Variants in CDK17 observed in about 807,000 individuals in gnomAD.
The protein encoded by CDK17 is cyclin dependent kinase 17.
A neutral mutation model predicts 77.6 loss-of-function variants in CDK17; 24 were observed. The observed-to-expected ratio is 0.31, with a 90% CI of 0.22 to 0.44. The LOEUF is 0.44. CDK17 is among the 20% of genes least tolerant of loss of function. The pLI is 1.00. For synonymous variants in CDK17, 203 were observed against 210.4 expected (o/e 0.96, Z 0.30); for missense variants, 429 against 622.5 (o/e 0.69, Z 3.31).
intron 8 of CDK17, 143 bp from the exon 9 acceptor site, chr12:96,297,475 T>C (rs1394148274): frequency 1.8e-5 from 13 of 735,784 alleles, no homozygotes; most frequent in African/African-American, 1.6e-4. Context: ...GAAAAACTGA[T>C]AACTAAATAA....
At chr12:96,333,337 C>G (rs892641244) in intron 2 of CDK17, among the ~76,000 whole-genome samples, 1 of 152,040 alleles carries the variant, frequency 6.6e-6, no homozygotes, top group Non-Finnish European at 1.5e-5. Flanking sequence ...AAATTTCCTA[C>G]TGAGCCCATC....
At chr12:96,390,706 C>T (rs554366042) in intron 1 of CDK17, among the ~76,000 whole-genome samples, 208 of 98,102 alleles carry the variant, frequency 2.1e-3, no homozygotes, top group Non-Finnish European at 3.3e-3. Flanking sequence ...GAGACTCCAT[C>T]TCAAAAAAAA....
chr12:96,304,698 T>C (rs1952554716), intron 5 of CDK17, among the ~76,000 whole-genome samples: 1 of 152,208 alleles, frequency 6.6e-6, no homozygotes, highest in Admixed American at 6.5e-5. Context: ...TTCTACTCAG[T>C]CACTTTGTCT....
chr12:96,315,868 C>A (rs1952707490), intron 3 of CDK17, among the ~76,000 whole-genome samples: 1 of 152,040 alleles, frequency 6.6e-6, no homozygotes, highest in Non-Finnish European at 1.5e-5. Flanking sequence ...ACAAGTGAGA[C>A]CTTCCCACAG....
At chr12:96,317,149 A>ACT (rs1952741927) in intron 3 of CDK17, among the ~76,000 whole-genome samples, 1 of 149,184 alleles carries the variant, frequency 6.7e-6, no homozygotes, top group African/African-American at 2.5e-5. Context: ...CTCGAGAACT[A>ACT]CATGAAGAAT....
At chr12:96,336,574 CT>C (rs1169448183) in intron 1 of CDK17, among the ~76,000 whole-genome samples, 2 of 152,204 alleles carry the variant, frequency 1.3e-5, no homozygotes, top group African/African-American at 4.8e-5. Context: ...AATAAGGACT[CT>C]TTTCACCCAC....
chr12:96,387,492 G>A (rs1310606619), intron 1 of CDK17, among the ~76,000 whole-genome samples: 3 of 152,166 alleles, frequency 2.0e-5, no homozygotes, highest in Non-Finnish European at 2.9e-5. Flanking sequence ...TGATTCTGAA[G>A]TTGAGGTTAA....
chr12:96,280,002 T>C lies in CDK17; in HGVS notation c.*240A>G. On this transcript the variant is annotated 3_prime_UTR_variant, in exon 17 of 17. Coordinates refer to ENST00000261211, the MANE Select transcript of CDK17 (RefSeq NM_002595.5). ...TTGCAGCTATAGTTACATCAATAGCTGTAACCTACTGGCTCTAATGGCAGA... is the reference window on the plus strand; with the variant it reads ...TTGCAGCTATAGTTACATCAATAGCCGTAACCTACTGGCTCTAATGGCAGA... 1 of 420,044 alleles carries C rather than the reference T, an allele frequency of 2.4e-6. No individual in the cohort carries two copies. Among genetic ancestry groups the C allele is most frequent in the South Asian group, 5.8e-5 (1 of 17,270 alleles). 26.0% of individuals were successfully genotyped at this position (420,044 alleles called of 1,614,324 possible). A position where few individuals can be genotyped will look rare whatever the true frequency, so the allele number is the denominator to read the frequency against.
At chr12:96,314,654 T>G (rs1952685592) in intron 3 of CDK17, among the ~76,000 whole-genome samples, 1 of 152,232 alleles carries the variant, frequency 6.6e-6, no homozygotes, top group South Asian at 2.1e-4. Context: ...TCAGTCATTA[T>G]CTAATAACCC....
chr12:96,280,469 G>T, intron 16 of CDK17, 190 bp from the exon 17 acceptor site: 5 of 1,414,904 alleles, frequency 3.5e-6, no homozygotes, highest in Non-Finnish European at 4.6e-6. Flanking sequence ...TCGAAGTGAT[G>T]AACCTGATGA....
At chr12:96,325,295 G>A (rs1343147752) in intron 2 of CDK17, among the ~76,000 whole-genome samples, 1 of 151,848 alleles carries the variant, frequency 6.6e-6, no homozygotes, top group Non-Finnish European at 1.5e-5. Flanking sequence ...CCTGATCAGG[G>A]GATTCCTTTT....
intron 1 of CDK17, among the ~76,000 whole-genome samples, chr12:96,378,360 G>C (rs564210649): frequency 6.6e-6 from 1 of 152,292 alleles, no homozygotes; most frequent in African/African-American, 2.4e-5. Context: ...AACTCTTTCA[G>C]TTGGCTGTGT....
At chr12:96,364,116 A>G (rs1953544885) in intron 1 of CDK17, among the ~76,000 whole-genome samples, 1 of 152,210 alleles carries the variant, frequency 6.6e-6, no homozygotes, top group South Asian at 2.1e-4. Context: ...TTTATTGCCT[A>G]AGAGTATTCC....
At chr12:96,382,260 T>C (rs562822450) in intron 1 of CDK17, among the ~76,000 whole-genome samples, 5 of 149,894 alleles carry the variant, frequency 3.3e-5, no homozygotes, top group South Asian at 4.2e-4. Flanking sequence ...AAGAAAAGGA[T>C]AAATTCCTGG....
chr12:96,367,703 A>C (rs1384970646), intron 1 of CDK17, among the ~76,000 whole-genome samples: 1 of 152,056 alleles, frequency 6.6e-6, no homozygotes. Flanking sequence ...AATCTCTAGA[A>C]AATAAACTTC....
intron 1 of CDK17, among the ~76,000 whole-genome samples, chr12:96,397,483 T>C (rs1429226053): frequency 6.6e-6 from 1 of 152,212 alleles, no homozygotes; most frequent in African/African-American, 2.4e-5. Flanking sequence ...TGAAAGTTAC[T>C]TTCTGGCCTG....
At chr12:96,379,978 G>A (rs1002382202) in intron 1 of CDK17, among the ~76,000 whole-genome samples, 3 of 151,636 alleles carry the variant, frequency 2.0e-5, no homozygotes, top group African/African-American at 7.3e-5. Flanking sequence ...AAACCAGCCT[G>A]GGCAACACAG....
chr12:96,340,091 TG>T (rs1953102270), intron 1 of CDK17, among the ~76,000 whole-genome samples: 1 of 151,966 alleles, frequency 6.6e-6, no homozygotes, highest in Admixed American at 6.6e-5. Flanking sequence ...TACTGGACAA[TG>T]CTGACATAGA....
intron 1 of CDK17, 106 bp from the exon 2 acceptor site, chr12:96,334,971 G>C: frequency 1.5e-6 from 1 of 688,372 alleles, no homozygotes. Context: ...ATATAATGAG[G>C]AATTCTCACT....
Sources: allele counts gnomAD v4.1 joint callset (sites outside exome capture counted in the v4.1 genomes callset), GRCh38; gene constraint gnomAD v4.1.1; transcripts MANE v1.5; gene names NCBI Gene and HGNC (gene_info 2026-07-23, HGNC 2026-07-21).